The following NOSTRIN variants were observed in gnomAD, a reference collection of about 807,000 sequenced individuals.
NOSTRIN encodes the protein BM247 homolog.
NOSTRIN carries 63 observed loss-of-function variants against 59.0 expected under a neutral mutation model. The observed-to-expected ratio is 1.07, with a 90% confidence interval of 0.87 to 1.32. The LOEUF is 1.32. NOSTRIN is among the 40% of genes most tolerant of loss of function. NOSTRIN has a pLI of 0.00. For synonymous variants in NOSTRIN, 200 were observed against 165.4 expected, an observed-to-expected ratio of 1.21 and a Z score of -1.61; for missense variants, 512 against 473.1, an observed-to-expected ratio of 1.08 and a Z score of -0.76.
At chr2:168,787,920 G>T (rs1685247118) in exon 2 of NOSTRIN, 1 of 152,096 alleles carries the variant, frequency 6.6e-6, no homozygotes, top group South Asian at 2.1e-4. Flanking sequence ...AGAAAGTGGT[G>T]ATGCAAAGAA....
At chr2:168,817,710 A>G (rs1401873385) in intron 2 of NOSTRIN, among the ~76,000 whole-genome samples, 1 of 152,190 alleles carries the variant, frequency 6.6e-6, no homozygotes. Context: ...GCCGGGGCTC[A>G]GTGAGACTCC....
chr2:168,831,974 T>C (rs1687387636), intron 6 of NOSTRIN, among the ~76,000 whole-genome samples: 1 of 152,188 alleles, frequency 6.6e-6, no homozygotes, highest in Non-Finnish European at 1.5e-5. Context: ...TCTGTATAAT[T>C]TGTAACTTAC....
chr2:168,863,857 A>G (rs775463064), intron 15 of NOSTRIN, among the ~76,000 whole-genome samples: 3 of 152,168 alleles, frequency 2.0e-5, no homozygotes, highest in African/African-American at 7.2e-5. Context: ...CATCAGCTAC[A>G]TAGAAATAGA....
chr2:168,799,881 C>T (rs1685570413), upstream of NOSTRIN, among the ~76,000 whole-genome samples: 1 of 152,176 alleles, frequency 6.6e-6, no homozygotes, highest in Non-Finnish European at 1.5e-5. Flanking sequence ...ATTGTCTGCC[C>T]CTCTCTGTCT....
At chr2:168,834,507 G>GCACACA (rs1553527194) in intron 7 of NOSTRIN, among the ~76,000 whole-genome samples, 182 bp downstream of exon 7, 180 of 125,386 alleles carry the variant, frequency 1.4e-3, no homozygotes, top group Middle Eastern at 0.013. Flanking sequence ...GCGCGCGCGC[G>GCACACA]CACACACACA....
chr2:168,829,563 C>T (rs759036307), intron 5 of NOSTRIN, among the ~76,000 whole-genome samples: 4 of 152,264 alleles, frequency 2.6e-5, no homozygotes, highest in Non-Finnish European at 4.4e-5. Context: ...TCAGGTGATC[C>T]GCCCATCTTG....
At chr2:168,807,855 A>G (rs537149914) in intron 1 of NOSTRIN, among the ~76,000 whole-genome samples, 56 of 152,364 alleles carry the variant, frequency 3.7e-4, no homozygotes, top group African/African-American at 1.3e-3. Context: ...GTACTGGTCT[A>G]TGAAATGACA....
chr2:168,803,110 A>C (rs62175693), intron 1 of NOSTRIN, among the ~76,000 whole-genome samples: 2,798 of 152,254 alleles, frequency 0.018, 37 homozygotes, highest in Non-Finnish European at 0.027. Context: ...TTTGGAGTCA[A>C]GGATCACAAG....
intron 15 of NOSTRIN, chr2:168,863,540 A>G: frequency 2.0e-6 from 2 of 985,290 alleles, no homozygotes; most frequent in African/African-American, 1.7e-5. Flanking sequence ...CCAATTCTCT[A>G]TGGAATTCTC....
chr2:168,824,303 A>ATT (rs111709283), intron 2 of NOSTRIN, among the ~76,000 whole-genome samples: 4 of 146,466 alleles, frequency 2.7e-5, no homozygotes, highest in African/African-American at 5.0e-5. Flanking sequence ...AGCATAATCA[A>ATT]TTTTTTTTTT....
intron 2 of NOSTRIN, among the ~76,000 whole-genome samples, chr2:168,790,389 G>A (rs745987625): frequency 2.6e-5 from 4 of 152,186 alleles, no homozygotes; most frequent in Non-Finnish European, 5.9e-5. Flanking sequence ...GGTTAAAGTA[G>A]TGACTCTACA....
intron 8 of NOSTRIN, among the ~76,000 whole-genome samples, chr2:168,845,843 A>G (rs1019455731): frequency 1.4e-5 from 2 of 138,172 alleles, no homozygotes; most frequent in Non-Finnish European, 3.0e-5. Flanking sequence ...TCTACTCATC[A>G]TAATGTCCTT....
At chr2:168,861,550 A>C (rs950883202) in intron 14 of NOSTRIN, among the ~76,000 whole-genome samples, 1 of 152,140 alleles carries the variant, frequency 6.6e-6, no homozygotes, top group African/African-American at 2.4e-5. Flanking sequence ...TTAAGGAGTC[A>C]CTGTTGCATT....
chr2:168,863,916 T>A (rs1689664896), intron 15 of NOSTRIN, among the ~76,000 whole-genome samples: 1 of 151,516 alleles, frequency 6.6e-6, no homozygotes, highest in Non-Finnish European at 1.5e-5. Context: ...GATCTTTTTT[T>A]ATTTTTTTTT....
In NOSTRIN at chr2:168,865,132, C is replaced by T. The variant is rs1689784910; in HGVS notation, c.*162C>T. On this transcript the variant is annotated 3_prime_UTR_variant, in exon 16 of 16. Coordinates refer to ENST00000317647, the MANE Select transcript of NOSTRIN (RefSeq NM_001039724.4). ...TGCATTCATGATTATTAGCTTGAAA[C>T]AGTCAGAAAAAAGATGGATGGGTGG... 6 of 757,792 alleles carry T rather than the reference C, an allele frequency of 7.9e-6. No homozygotes were observed. Among genetic ancestry groups the T allele is most frequent in the Non-Finnish European group, 2.1e-6 (1 of 484,966 alleles). The allele number at this position is 757,792 out of a possible 1,614,324, so 46.9% of individuals were successfully genotyped here.
Position 168,860,787 on chromosome 2 carries a change from T to C in NOSTRIN, c.1180-8T>C, listed in dbSNP as rs1425135527. 6 of 1,534,158 alleles carry C rather than the reference T, an allele frequency of 3.9e-6. No homozygotes were observed. The highest frequency in any genetic ancestry group is 5.4e-6 in the Non-Finnish European group (6 of 1,109,044). Reference sequence around the variant, plus strand: ...TACAAAATATGACTTTTTATGTCATTTGAACAGGAGCATACTCATAGCTAT... The same window carrying C: ...TACAAAATATGACTTTTTATGTCATCTGAACAGGAGCATACTCATAGCTAT... On this transcript the variant is annotated splice_region_variant and splice_polypyrimidine_tract_variant and intron_variant, in intron 13 of 15. Coordinates refer to ENST00000317647, the MANE Select transcript of NOSTRIN (RefSeq NM_001039724.4).
At chr2:168,862,391 A>AC in intron 15 of NOSTRIN, among the ~76,000 whole-genome samples, 2 of 152,292 alleles carry the variant, frequency 1.3e-5, no homozygotes, top group Non-Finnish European at 2.9e-5. Context: ...GCAACACAAG[A>AC]TTTGAACTTG....
In NOSTRIN at chr2:168,802,689, TG is replaced by T; in HGVS notation, c.27+18del. On this transcript the variant is annotated intron_variant, in intron 1 of 15. Transcript: ENST00000317647. Reference sequence around the variant, plus strand: ...AGATTGTCCGGTGAGTAGCTCAGTGTGGTTTGTGTGCCTGCGTGTGAGGAGG... The same window carrying T: ...AGATTGTCCGGTGAGTAGCTCAGTGTGTTTGTGTGCCTGCGTGTGAGGAGG... 1 of 868,720 alleles carries T rather than the reference TG, an allele frequency of 1.2e-6. No homozygotes were observed. The highest frequency in any genetic ancestry group is 2.0e-6 in the Non-Finnish European group (1 of 500,400). 53.8% of individuals were successfully genotyped at this position (868,720 alleles called of 1,614,324 possible). A position where few individuals can be genotyped will look rare whatever the true frequency, so the allele number is the denominator to read the frequency against.
intron 1 of NOSTRIN, among the ~76,000 whole-genome samples, chr2:168,810,107 G>T (rs773874293): frequency 1.3e-5 from 2 of 152,126 alleles, no homozygotes; most frequent in African/African-American, 4.8e-5. Context: ...ACCAGTTCAC[G>T]GTCCTCACCC....
Sources: allele counts gnomAD v4.1 joint callset (sites outside exome capture counted in the v4.1 genomes callset), GRCh38; gene constraint gnomAD v4.1.1; transcripts MANE v1.5; gene names NCBI Gene and HGNC (gene_info 2026-07-23, HGNC 2026-07-21).